The following DACH2 variants were observed in gnomAD, a reference collection of about 807,000 sequenced individuals.
DACH2 encodes the protein dachshund family transcription factor 2, also known as dachshund homolog 2.
A neutral mutation model predicts 35.8 loss-of-function variants in DACH2; 17 were observed. The observed-to-expected ratio is 0.48, with a 90% CI of 0.33 to 0.71. The LOEUF (loss-of-function observed/expected upper bound fraction) is 0.71. DACH2 is among the 30% of genes least tolerant of loss of function. DACH2 has a pLI of 0.02. For synonymous variants in DACH2, 195 were observed against 177.3 expected (o/e 1.10, Z -0.79); for missense variants, 469 against 472.7 (o/e 0.99, Z 0.07).
At chrX:86,726,558 C>T (rs2041472251) in intron 6 of DACH2, among the ~76,000 whole-genome samples, 1 of 111,689 alleles carries the variant, frequency 9.0e-6, no homozygotes, top group Admixed American at 9.5e-5. Flanking sequence ...TGGCAGCAGC[C>T]TTGTCAGTGC....
intron 3 of DACH2, among the ~76,000 whole-genome samples, chrX:86,647,695 A>G (rs1602737831): frequency 9.0e-6 from 1 of 110,613 alleles, no homozygotes; most frequent in Non-Finnish European, 1.9e-5. Context: ...TATCACACAA[A>G]CAACAACAAT....
rs188546570 is a variant in DACH2, at chrX:86,378,438, G to A, written c.527+1576G>A. ...AATACAGAGTGGTGGGGACTATGGTGAACCAGGGAGTATATATTCTTTTCC... is the reference window on the plus strand; with the variant it reads ...AATACAGAGTGGTGGGGACTATGGTAAACCAGGGAGTATATATTCTTTTCC... On this transcript the variant is annotated intron_variant, in intron 2 of 11. Transcript: ENST00000373125. 4.3e-4 allele frequency among the ~76,000 whole-genome samples: 47 copies of A among 110,159 alleles called. No homozygotes were observed. In the East Asian group the frequency reaches 0.013, roughly 30 times the overall value.
intron 5 of DACH2, among the ~76,000 whole-genome samples, chrX:86,713,452 C>T (rs1008135520): frequency 1.8e-5 from 2 of 111,233 alleles, no homozygotes; most frequent in African/African-American, 3.3e-5. Context: ...TAAAAAAGGA[C>T]GTTATTAATA....
chrX:86,257,503 G>A, intron 1 of DACH2, among the ~76,000 whole-genome samples: 1 of 111,703 alleles, frequency 9.0e-6, no homozygotes, highest in Non-Finnish European at 1.9e-5. Context: ...CAGCTCCTGG[G>A]CTCAAGCCAT....
At chrX:86,485,804 T>TG (rs2038011268) in intron 2 of DACH2, among the ~76,000 whole-genome samples, 1 of 112,009 alleles carries the variant, frequency 8.9e-6, no homozygotes, top group Non-Finnish European at 1.9e-5. Context: ...TAATTTATTT[T>TG]CAAGAGCTTA....
intron 1 of DACH2, among the ~76,000 whole-genome samples, chrX:86,283,976 T>C (rs1332402387): frequency 2.0e-5 from 2 of 101,279 alleles, no homozygotes; most frequent in African/African-American, 8.1e-5. Flanking sequence ...TTACTGAATT[T>C]ATCAGTTTTA....
At chrX:86,420,210 T>C (rs2148156479) in intron 2 of DACH2, among the ~76,000 whole-genome samples, 1 of 112,019 alleles carries the variant, frequency 8.9e-6, no homozygotes, top group Non-Finnish European at 1.9e-5. Flanking sequence ...CTGGTGAAGG[T>C]ACAGTGCCAG....
chrX:86,496,854 G>C (rs2038179485), intron 2 of DACH2, among the ~76,000 whole-genome samples: 1 of 111,372 alleles, frequency 9.0e-6, no homozygotes, highest in African/African-American at 3.3e-5. Flanking sequence ...GGATTCACTT[G>C]CAAAGAGGAT....
At chrX:86,341,064 C>T (rs750775276) in intron 1 of DACH2, among the ~76,000 whole-genome samples, 1 of 112,182 alleles carries the variant, frequency 8.9e-6, no homozygotes, top group African/African-American at 3.2e-5. Flanking sequence ...CCAGAAGATC[C>T]AGCTAAGATA....
chrX:86,556,799 G>T (rs200754452), intron 3 of DACH2, among the ~76,000 whole-genome samples: 49 of 64,409 alleles, frequency 7.6e-4, no homozygotes, highest in East Asian at 5.1e-3. Flanking sequence ...TATATATAGA[G>T]AGAGAGAGAG....
At chrX:86,317,061 G>A (rs748481994) in intron 1 of DACH2, among the ~76,000 whole-genome samples, 13 of 101,937 alleles carry the variant, frequency 1.3e-4, no homozygotes, top group South Asian at 4.8e-4. Context: ...AGGTTGCAGT[G>A]AGCCAAGATT....
intron 1 of DACH2, among the ~76,000 whole-genome samples, chrX:86,158,346 C>T (rs930564610): frequency 9.0e-6 from 1 of 111,427 alleles, no homozygotes; most frequent in Non-Finnish European, 1.9e-5. Context: ...AGGTCTGGCT[C>T]TGTCACCCAG....
At chrX:86,326,816 C>T (rs940470062) in intron 1 of DACH2, among the ~76,000 whole-genome samples, 14 of 111,657 alleles carry the variant, frequency 1.3e-4, no homozygotes, top group African/African-American at 3.9e-4. Context: ...GGGATTTTTA[C>T]ATTCTAGGTA....
chrX:86,571,842 A>G (rs1343055330), intron 3 of DACH2, among the ~76,000 whole-genome samples: 1 of 110,870 alleles, frequency 9.0e-6, no homozygotes, highest in East Asian at 2.9e-4. Context: ...CAATTTGGGG[A>G]ACACTACCAT....
At chrX:86,556,754 A>ATG (rs2039125561) in intron 3 of DACH2, among the ~76,000 whole-genome samples, 2 of 28,711 alleles carry the variant, frequency 7.0e-5, no homozygotes, top group South Asian at 2.6e-3. Flanking sequence ...CCAATAGGAT[A>ATG]TGTATATATA....
chrX:86,192,195 C>T (rs1484728768), intron 1 of DACH2, among the ~76,000 whole-genome samples: 1 of 111,232 alleles, frequency 9.0e-6, no homozygotes, highest in African/African-American at 3.3e-5. Flanking sequence ...AGGCAAGTTT[C>T]ACAGAACAAA....
intron 5 of DACH2, among the ~76,000 whole-genome samples, chrX:86,713,466 A>C (rs963993930): frequency 9.0e-6 from 1 of 111,596 alleles, no homozygotes; most frequent in Non-Finnish European, 1.9e-5. Context: ...ATTAATACTT[A>C]ATACTTGTGC....
At chrX:86,226,602 G>T (rs955798796) in intron 1 of DACH2, among the ~76,000 whole-genome samples, 1 of 111,437 alleles carries the variant, frequency 9.0e-6, no homozygotes, top group Non-Finnish European at 1.9e-5. Context: ...TTTATGTAAG[G>T]CAATTTTTGC....
At chrX:86,675,592 A>C (rs2040817265) in intron 4 of DACH2, among the ~76,000 whole-genome samples, 2 of 111,107 alleles carry the variant, frequency 1.8e-5, no homozygotes, top group African/African-American at 6.5e-5. Context: ...GCTGACATAG[A>C]AGGATCAGCT....
Sources: allele counts gnomAD v4.1 joint callset (sites outside exome capture counted in the v4.1 genomes callset), GRCh38; gene constraint gnomAD v4.1.1; transcripts MANE v1.5; gene names NCBI Gene and HGNC (gene_info 2026-07-23, HGNC 2026-07-21).